Variants in AKT3 observed in about 807,000 individuals in gnomAD.
AKT3 encodes the protein RAC-gamma serine/threonine-protein kinase.
AKT3 carries 15 observed loss-of-function variants against 65.3 expected under a neutral mutation model. The observed-to-expected ratio is 0.23, with a 90% CI of 0.15 to 0.35. The LOEUF (loss-of-function observed/expected upper bound fraction) is 0.35. Ranked by LOEUF, AKT3 falls within the 10% of genes least tolerant of loss-of-function variation. The probability of loss-of-function intolerance (pLI) is 1.00; values close to 1 mark genes in which losing one functional copy is unlikely to be tolerated. For missense variants in AKT3, 243 were observed against 576.5 expected, an observed-to-expected ratio of 0.42 and a Z score of 5.92; for synonymous variants, 206 against 183.8, an observed-to-expected ratio of 1.12 and a Z score of -0.98.
intron 4 of AKT3, among the ~76,000 whole-genome samples, chr1:243,663,122 T>C (rs913579008): frequency 1.3e-5 from 2 of 152,228 alleles, no homozygotes; most frequent in Non-Finnish European, 2.9e-5. Flanking sequence ...AAAGATGTTT[T>C]AAATGAGCAA....
chr1:243,824,524 A>G (rs1694045713), intron 2 of AKT3, among the ~76,000 whole-genome samples: 2 of 152,216 alleles, frequency 1.3e-5, no homozygotes, highest in South Asian at 2.1e-4. Context: ...AAGGGCTAAT[A>G]TTCAGAATCT....
chr1:243,562,785 T>C (rs1367641670), intron 10 of AKT3, among the ~76,000 whole-genome samples: 1 of 152,168 alleles, frequency 6.6e-6, no homozygotes, highest in Non-Finnish European at 1.5e-5. Context: ...TCTCCAGCCA[T>C]AGAATCATGC....
Position 243,821,096 on chromosome 1 carries a change from C to G in AKT3, c.46+22029G>C, listed in dbSNP as rs1693828841. On this transcript the variant is annotated intron_variant, in intron 2 of 13. Transcript: ENST00000673466. ...CAAACAGCAGACTTCTCAGCAGAAA[C>G]CCTACAAGCTAAAAGAGATTGGGGA... is the stretch of plus-strand genomic sequence containing the variant. Among the ~76,000 whole-genome samples, 6 of 152,162 alleles carry G rather than the reference C, an allele frequency of 3.9e-5. No homozygotes were observed. In the South Asian group the frequency reaches 1.2e-3, roughly 32 times the overall value.
At chr1:243,686,966 T>C (rs1490574365) in intron 3 of AKT3, among the ~76,000 whole-genome samples, 3 of 151,822 alleles carry the variant, frequency 2.0e-5, no homozygotes, top group Non-Finnish European at 4.4e-5. Flanking sequence ...CACTCGGCTA[T>C]ATGATCTCAC....
intron 2 of AKT3, among the ~76,000 whole-genome samples, chr1:243,842,620 T>C (rs966551514): frequency 5.9e-5 from 9 of 152,218 alleles, no homozygotes; most frequent in African/African-American, 9.6e-5. Flanking sequence ...TGTCCTCATT[T>C]GGCCTTTTAC....
At chr1:243,749,665 T>C (rs1004677668) in intron 2 of AKT3, among the ~76,000 whole-genome samples, 1 of 152,196 alleles carries the variant, frequency 6.6e-6, no homozygotes, top group African/African-American at 2.4e-5. Flanking sequence ...GTATTTTGAC[T>C]CCATTCCTTC....
At chr1:243,499,503 G>A (rs1008041370), downstream of AKT3, among the ~76,000 whole-genome samples, 1 of 152,204 alleles carries the variant, frequency 6.6e-6, no homozygotes, top group African/African-American at 2.4e-5. Context: ...TATTTAAGAG[G>A]CAGGCGTGTC....
chr1:243,595,455 G>C (rs1483697404), intron 8 of AKT3, among the ~76,000 whole-genome samples: 1 of 152,060 alleles, frequency 6.6e-6, no homozygotes, highest in African/African-American at 2.4e-5. Flanking sequence ...CTTCAGTAAT[G>C]AGTTAACCTT....
chr1:243,651,947 A>G lies in AKT3; in HGVS notation c.285-5910T>C, dbSNP rs979363072. The stretch of plus-strand genomic sequence containing the variant: ...CAGAGAGAAAGGTAGGGTTTCCCAC[A>G]AAGGGAAGCTCATCAGACTAACAGC... On this transcript the variant is annotated intron_variant, in intron 4 of 13. Transcript: ENST00000673466. Among the ~76,000 whole-genome samples, 13 of 152,302 alleles carry G rather than the reference A, an allele frequency of 8.5e-5. No individual in the cohort carries two copies. In the East Asian group the frequency reaches 2.5e-3, roughly 29 times the overall value.
In AKT3 at chr1:243,649,764, T is replaced by C. The variant is rs187251461; in HGVS notation, c.285-3727A>G. Among the ~76,000 whole-genome samples the C allele has an allele frequency of 1.6e-3, 238 of 152,292 alleles. 3 individuals carry two copies. Among genetic ancestry groups the C allele is most frequent in the African/African-American group, 5.6e-3 (233 of 41,548 alleles). ...GAACTCATCCTTTTTTATGGCTGCA[T>C]AGTATTCCATGGTGTATATGTACCA... On this transcript the variant is annotated intron_variant, in intron 4 of 13. Coordinates refer to ENST00000673466, the MANE Select transcript of AKT3 (RefSeq NM_005465.7).
intron 3 of AKT3, among the ~76,000 whole-genome samples, chr1:243,671,232 C>G (rs1360486333): frequency 1.3e-5 from 2 of 152,054 alleles, no homozygotes; most frequent in Admixed American, 6.5e-5. Flanking sequence ...TGGCCACCAC[C>G]ACATCCAGCT....
At chr1:243,767,464 T>G (rs1375098056) in intron 2 of AKT3, among the ~76,000 whole-genome samples, 1 of 152,170 alleles carries the variant, frequency 6.6e-6, no homozygotes, top group Admixed American at 6.5e-5. Flanking sequence ...ACCTCAATTT[T>G]ATTATTTTTA....
At chr1:243,769,707 A>G (rs1690056744) in intron 2 of AKT3, among the ~76,000 whole-genome samples, 1 of 152,152 alleles carries the variant, frequency 6.6e-6, no homozygotes, top group African/African-American at 2.4e-5. Flanking sequence ...CAGATTCATG[A>G]TTTACAAATA....
intron 6 of AKT3, among the ~76,000 whole-genome samples, chr1:243,630,971 C>T (rs1679561108): frequency 9.0e-6 from 1 of 110,804 alleles, no homozygotes; most frequent in African/African-American, 2.6e-5. Context: ...AACCAAATAG[C>T]CTCTTTTTTT....
chr1:243,762,498 G>A (rs146795027), intron 2 of AKT3, among the ~76,000 whole-genome samples: 81 of 152,110 alleles, frequency 5.3e-4, no homozygotes, highest in East Asian at 5.0e-3. Flanking sequence ...GTGACAGAGC[G>A]CATCATGCTC....
At chr1:243,691,165 A>G (rs1684665315) in intron 3 of AKT3, among the ~76,000 whole-genome samples, 1 of 152,244 alleles carries the variant, frequency 6.6e-6, no homozygotes, top group African/African-American at 2.4e-5. Flanking sequence ...ACCAAAGGAC[A>G]TTCCAATCGA....
chr1:243,841,774 T>G (rs908057496), intron 2 of AKT3, among the ~76,000 whole-genome samples: 4 of 151,988 alleles, frequency 2.6e-5, no homozygotes, highest in African/African-American at 7.3e-5. Flanking sequence ...GCAGCCCAAA[T>G]GTCCAACAAG....
intron 2 of AKT3, among the ~76,000 whole-genome samples, chr1:243,791,756 C>T (rs1691645388): frequency 6.6e-6 from 1 of 152,144 alleles, no homozygotes; most frequent in South Asian, 2.1e-4. Context: ...AAACATTCTG[C>T]CCCTGGGCGG....
intron 12 of AKT3, among the ~76,000 whole-genome samples, chr1:243,512,767 T>A (rs1670098546): frequency 6.6e-6 from 1 of 152,206 alleles, no homozygotes; most frequent in African/African-American, 2.4e-5. Flanking sequence ...TGTGCCAGGA[T>A]GTGGGCTCTT....
Sources: allele counts gnomAD v4.1 joint callset (sites outside exome capture counted in the v4.1 genomes callset), GRCh38; gene constraint gnomAD v4.1.1; transcripts MANE v1.5; gene names NCBI Gene and HGNC (gene_info 2026-07-23, HGNC 2026-07-21).